The following MELTF variants were observed in gnomAD, a reference collection of about 807,000 sequenced individuals.
The protein encoded by MELTF is antigen p97 (melanoma associated) identified by monoclonal antibodies 133.2 and 96.5.
In MELTF, 67 loss-of-function variants were observed where a neutral mutation model predicts 83.7. The observed-to-expected ratio is 0.80, with a 90% CI of 0.66 to 0.98. The LOEUF is 0.98. Ranked by LOEUF, MELTF falls within the 50% of genes least tolerant of loss-of-function variation. MELTF has a pLI of 0.00. For synonymous variants in MELTF, 462 were observed against 447.6 expected (o/e 1.03, Z -0.41); for missense variants, 1,002 against 1,035.6 (o/e 0.97, Z 0.44).
rs770294803 is a variant in MELTF at position 197,024,264 on chromosome 3, G to T, written c.487+39C>A. The T allele has an allele frequency of 4.6e-6, 7 of 1,512,456 alleles. No individual in the cohort carries two copies. In the East Asian group the frequency reaches 1.6e-4, roughly 34 times the overall value. The allele number at this position is 1,512,456 out of a possible 1,614,324, so 93.7% of individuals were successfully genotyped here. A position where few individuals can be genotyped will look rare whatever the true frequency, so the allele number is the denominator to read the frequency against. Reference sequence around the variant, plus strand: ...GAGCATGGGCCAAGGAAAGGAGGGGGAGGCCTGGGGACCCTCCTGCCCAGC... The same window carrying T: ...GAGCATGGGCCAAGGAAAGGAGGGGTAGGCCTGGGGACCCTCCTGCCCAGC... On this transcript the variant is annotated intron_variant, in intron 4 of 15. Coordinates refer to ENST00000296350, the MANE Select transcript of MELTF (RefSeq NM_005929.6). The surrounding 1 kb of genome is among the most constrained non-coding windows in gnomAD (Gnocchi z 5.3).
Position 197,024,941 on chromosome 3 carries a change from T to C in MELTF, c.305-456A>G. Among the ~76,000 whole-genome samples, 1 of 152,088 alleles carries C rather than the reference T, an allele frequency of 6.6e-6. No individual in the cohort carries two copies. The highest frequency in any genetic ancestry group is 1.9e-4 in the East Asian group (1 of 5,178). Reference sequence around the variant, plus strand: ...GGAGCAGGGGAGCCGAGGAGGGGCTTCCCCAGATGAGGAGCGGCGATTTCC... The same window carrying C: ...GGAGCAGGGGAGCCGAGGAGGGGCTCCCCCAGATGAGGAGCGGCGATTTCC... On this transcript the variant is annotated intron_variant, in intron 3 of 15. Transcript: ENST00000296350. The surrounding 1 kb of genome is among the most constrained non-coding windows in gnomAD (Gnocchi z 5.3).
chr3:197,016,398 G>A, intron 7 of MELTF, 29 bp from the exon 8 acceptor site: 2 of 1,483,766 alleles, frequency 1.3e-6, no homozygotes, highest in African/African-American at 1.4e-5. Context: ...GGTACAGGGT[G>A]GTGAGGGTGC....
At position 197,011,059 on chromosome 3, in the gene MELTF, CCT is replaced by C. The variant is rs1264678613; in HGVS notation, c.1234-267_1234-266del. ...TCCTGCGCGTGGCCACCCAGGGTCC[CCT>C]GTGTCCCTGCTCTGAGCAAAGCAAG... On this transcript the variant is annotated intron_variant, in intron 9 of 15. Coordinates refer to ENST00000296350, the MANE Select transcript of MELTF (RefSeq NM_005929.6). The surrounding 1 kb of genome is among the most constrained non-coding windows in gnomAD (Gnocchi z 4.2). Among the ~76,000 whole-genome samples the C allele has an allele frequency of 5.9e-5, 9 of 152,288 alleles. No homozygotes were observed. The highest frequency in any genetic ancestry group is 4.1e-4 in the South Asian group (2 of 4,828).
At chr3:197,018,701 T>A (rs1009921727) in intron 6 of MELTF, among the ~76,000 whole-genome samples, 1 of 152,166 alleles carries the variant, frequency 6.6e-6, no homozygotes, top group Non-Finnish European at 1.5e-5. Context: ...AGCCTCGGCC[T>A]CCCAAAGTGC....
At position 197,009,706 on chromosome 3, in the gene MELTF, A is replaced by G. The variant is rs1262056106; in HGVS notation, c.1437T>C (p.Gly479=). The G allele has an allele frequency of 1.2e-6, 2 of 1,613,724 alleles. No homozygotes were observed. The highest frequency in any genetic ancestry group is 1.7e-6 in the Non-Finnish European group (2 of 1,180,032). Reference sequence around the variant, plus strand: ...CATCCCAGCCTGCAGGGCTGCCGAAACCGGCGTGGCAGGAGCGCTTGCCCC... The same window carrying G: ...CATCCCAGCCTGCAGGGCTGCCGAAGCCGGCGTGGCAGGAGCGCTTGCCCC... The part of the protein sequence containing the change: ...ELRGKRSCHA[G]FGSPAGWDVP... The change falls in exon 11 of 16, where the codon GGT becomes GGC. Residue 479 remains glycine (G), a synonymous_variant. Coordinates refer to ENST00000296350, the MANE Select transcript of MELTF (RefSeq NM_005929.6).
chr3:197,020,748 A>G (rs1157275768), intron 6 of MELTF, among the ~76,000 whole-genome samples: 1 of 149,926 alleles, frequency 6.7e-6, no homozygotes, highest in African/African-American at 2.5e-5. Flanking sequence ...GGCTCACTGC[A>G]ATCTCTGCCT....
At chr3:197,015,579 G>T in intron 8 of MELTF, 63 bp from the exon 9 acceptor site, 1 of 1,518,612 alleles carries the variant, frequency 6.6e-7, no homozygotes, top group East Asian at 2.4e-5. Context: ...GCATGGAGTC[G>T]GACCCAAGGG....
At chr3:197,016,042 G>A in intron 8 of MELTF, 147 bp downstream of exon 8, 1 of 668,674 alleles carries the variant, frequency 1.5e-6, no homozygotes, top group Non-Finnish European at 2.3e-6. Context: ...CCTCCCCAAA[G>A]CCCCAGGGGC....
At chr3:197,026,909 C>T (rs1192431762) in intron 2 of MELTF, 150 bp from the exon 3 acceptor site, 1 of 612,428 alleles carries the variant, frequency 1.6e-6, no homozygotes, top group East Asian at 2.8e-5. Context: ...AACCAGAGCC[C>T]AGGGCTCTCC....
At chr3:197,017,436 C>T (rs369509248) in intron 6 of MELTF, 146 bp from the exon 7 acceptor site, 21 of 685,994 alleles carry the variant, frequency 3.1e-5, no homozygotes, top group East Asian at 2.2e-4. Flanking sequence ...GCTTGGTGGC[C>T]GCACCCAACT....
chr3:197,020,311 G>C (rs976144070), intron 6 of MELTF, among the ~76,000 whole-genome samples: 2 of 152,166 alleles, frequency 1.3e-5, no homozygotes, highest in African/African-American at 4.8e-5. Flanking sequence ...GAATTGGGAC[G>C]GTGAGTGAAT....
intron 6 of MELTF, chr3:197,019,565 C>T (rs1364483927): frequency 6.3e-7 from 1 of 1,576,022 alleles, no homozygotes; most frequent in African/African-American, 1.3e-5. Context: ...TGGTGAGACC[C>T]CCATCTCAAA....
intron 5 of MELTF, among the ~76,000 whole-genome samples, 175 bp from the exon 6 acceptor site, chr3:197,021,646 G>A (rs1719627956): frequency 6.6e-6 from 1 of 152,184 alleles, no homozygotes; most frequent in South Asian, 2.1e-4. Context: ...GCCGAGTTGT[G>A]GCCCCTTCCT....
In MELTF at chr3:197,003,024, C is replaced by CGCGGGGCT. The variant is rs901128548; in HGVS notation, c.*340_*347dup. ...CCCCAGGGGGCCTCGCGGACGGGGG[C>CGCGGGGCT]GCGGGGCTGCGGGGAGGAGGCGGGC... On this transcript the variant is annotated 3_prime_UTR_variant, in exon 16 of 16. Transcript: ENST00000296350. The surrounding 1 kb of genome is among the most constrained non-coding windows in gnomAD (Gnocchi z 6.2). The CGCGGGGCT allele has an allele frequency of 6.7e-6, 1 of 149,830 alleles. No individual in the cohort carries two copies. The allele number at this position is 149,830 out of a possible 1,614,324, so 9.3% of individuals were successfully genotyped here. A position where few individuals can be genotyped will look rare whatever the true frequency, so the allele number is the denominator to read the frequency against.
intron 6 of MELTF, among the ~76,000 whole-genome samples, chr3:197,020,304 T>C (rs747228333): frequency 2.2e-4 from 34 of 152,178 alleles, no homozygotes; most frequent in Non-Finnish European, 1.9e-4. Flanking sequence ...AAGGACAGAA[T>C]TGGGACGGTG....
At chr3:197,020,328 T>C (rs923263187) in intron 6 of MELTF, among the ~76,000 whole-genome samples, 1 of 152,190 alleles carries the variant, frequency 6.6e-6, no homozygotes, top group Non-Finnish European at 1.5e-5. Flanking sequence ...GAATCTGCAA[T>C]ATCGGCTATA....
chr3:197,018,696 C>T (rs982476197), intron 6 of MELTF, among the ~76,000 whole-genome samples: 14 of 152,132 alleles, frequency 9.2e-5, no homozygotes, highest in Admixed American at 3.3e-4. Flanking sequence ...CTGCCAGCCT[C>T]GGCCTCCCAA....
At position 197,019,633 on chromosome 3, in the gene MELTF, C is replaced by T. The variant is rs752058057; in HGVS notation, c.712+1771G>A. The T allele has an allele frequency of 7.8e-5, 126 of 1,611,312 alleles. 1 individual carries two copies. The highest frequency in any genetic ancestry group is 1.0e-4 in the Non-Finnish European group (119 of 1,177,762). On this transcript the variant is annotated intron_variant, in intron 6 of 15. Transcript: ENST00000296350. ...ACCCAACATATCCCTACTCTTTGCC[C>T]GTTTTCCAAATTCTCCTTTGTCAGA...
In MELTF at chr3:197,028,179, ACAGGTCGCTTCT is replaced by A. The variant is rs1719942482; in HGVS notation, c.50-281_50-270del. ...CCTTTATGGAGGAATGGGAGGGTCT[ACAGGTCGCTTCT>A]CAGCTACCCCCACCTGGTGGGAGCA... On this transcript the variant is annotated intron_variant, in intron 1 of 15. Coordinates refer to ENST00000296350, the MANE Select transcript of MELTF (RefSeq NM_005929.6). 6.8e-6 allele frequency: 3 copies of A among 442,376 alleles called. No homozygotes were observed. The South Asian group carries it at 1.3e-4, about 19-fold the overall frequency. The allele number at this position is 442,376 out of a possible 1,614,324, so 27.4% of individuals were successfully genotyped here.
Sources: allele counts gnomAD v4.1 joint callset (sites outside exome capture counted in the v4.1 genomes callset), GRCh38; gene constraint gnomAD v4.1.1; non-coding constraint Gnocchi (gnomAD v3.1); transcripts MANE v1.5; gene names NCBI Gene and HGNC (gene_info 2026-07-23, HGNC 2026-07-21).